Variants in MRPL58 observed in about 807,000 individuals in gnomAD.
The protein encoded by MRPL58 is large ribosomal subunit protein mL62.
Under a neutral mutation model 26.0 loss-of-function variants are expected in MRPL58, and 17 were observed. That is an observed-to-expected ratio of 0.65 (90% CI 0.45 to 0.98). The LOEUF is 0.98. Among genes scored for constraint, MRPL58 ranks in the 50% least tolerant of loss-of-function variants. MRPL58 has a pLI of 0.00. For missense variants in MRPL58, 250 were observed against 269.0 expected (o/e 0.93, Z 0.49); for synonymous variants, 100 against 99.7 (o/e 1.00, Z -0.02).
chr17:75,020,340 A>G lies in MRPL58; in HGVS notation c.311A>G (p.His104Arg). 1.2e-6 allele frequency: 2 copies of G among 1,614,088 alleles called. No individual in the cohort carries two copies. Among genetic ancestry groups the G allele is most frequent in the South Asian group, 1.1e-5 (1 of 91,074 alleles). The change falls in exon 4 of 6, where the codon CAT becomes CGT. Residue 104 changes from histidine to arginine, a missense_variant. Coordinates refer to ENST00000301585, the MANE Select transcript of MRPL58 (RefSeq NM_001545.3). ...AATTCCAAGGCAGAAGTCAGGTTCC[A>G]TTTGGCAACTGCCGAGTGGATCGCG... is the stretch of plus-strand genomic sequence containing the variant. ...KVNSKAEVRFHLATAEWIAEP... is the reference protein window; with the variant it reads ...KVNSKAEVRFRLATAEWIAEP...
chr17:75,018,014 G>A (rs777872512), intron 2 of MRPL58, among the ~76,000 whole-genome samples: 1 of 152,032 alleles, frequency 6.6e-6, no homozygotes, highest in African/African-American at 2.4e-5. Context: ...AGACTATCTC[G>A]GGTGTGCAGA....
At position 75,019,724 on chromosome 17, in the gene MRPL58, G is replaced by A. The variant is rs779805621; in HGVS notation, c.248G>A (p.Arg83Gln). 9 of 1,611,866 alleles carry A rather than the reference G, an allele frequency of 5.6e-6. No individual in the cohort carries two copies. The highest frequency in any genetic ancestry group is 3.3e-4 in the Middle Eastern group (2 of 6,052). ...PLDRLTISYC[R>Q]SSGPGGQNVN... ...GATCGCTTGACAATATCTTATTGTC[G>A]GAGTAGTGGTCCTGGGGGGCAGAAT... is the stretch of plus-strand genomic sequence containing the variant. Residue 83 changes from arginine to glutamine, a missense_variant, in exon 3 of 6, where the codon CGG becomes CAG. Coordinates refer to ENST00000301585, the MANE Select transcript of MRPL58 (RefSeq NM_001545.3).
chr17:75,016,943 A>G (rs1567980106), intron 1 of MRPL58, 135 bp from the exon 2 acceptor site: 2 of 736,718 alleles, frequency 2.7e-6, no homozygotes, highest in African/African-American at 1.7e-5. Context: ...TCGTGATATC[A>G]TTTTGCAGGG....
chr17:75,016,249 CA>C (rs77469669), intron 1 of MRPL58, among the ~76,000 whole-genome samples: 83 of 121,818 alleles, frequency 6.8e-4, no homozygotes, highest in Admixed American at 1.3e-3. Flanking sequence ...ACTAAAAATA[CA>C]AAAAAAAAAA....
rs1430618185 is a variant in MRPL58 at position 75,012,792 on chromosome 17, G to C, written c.106G>C (p.Gly36Arg). Residue 36 changes from glycine to arginine, a missense_variant, in exon 1 of 6, where the codon GGC becomes CGC. Transcript: ENST00000301585. ...CCGGGCGCTGCACAAGCAGAAAGACGGCACTGAGTTCAAGAGCATCTACAG... is the reference window on the plus strand; with the variant it reads ...CCGGGCGCTGCACAAGCAGAAAGACCGCACTGAGTTCAAGAGCATCTACAG... The part of the protein sequence containing the change: ...PRRALHKQKD[G>R]TEFKSIYSLD... 2 of 1,610,440 alleles carry C rather than the reference G, an allele frequency of 1.2e-6. No homozygotes were observed. The highest frequency in any genetic ancestry group is 8.5e-7 in the Non-Finnish European group (1 of 1,178,958).
Position 75,016,771 on chromosome 17 carries a change from T to C in MRPL58, c.187-307T>C, listed in dbSNP as rs554100648. 4.6e-5 allele frequency among the ~76,000 whole-genome samples: 7 copies of C among 152,362 alleles called. No homozygotes were observed. The East Asian group carries it at 1.2e-3, about 25-fold the overall frequency. ...GGTGTTGCTTTTGGAGGTTCCCTGA[T>C]GCATGTGCACTGTGGCTCCCCCTCC... On this transcript the variant is annotated intron_variant, in intron 1 of 5. Transcript: ENST00000301585.
At chr17:75,016,154 A>G (rs952749806) in intron 1 of MRPL58, among the ~76,000 whole-genome samples, 4 of 151,474 alleles carry the variant, frequency 2.6e-5, no homozygotes, top group African/African-American at 7.3e-5. Flanking sequence ...CTGTAATCTT[A>G]GCACTTTGGG....
intron 2 of MRPL58, among the ~76,000 whole-genome samples, chr17:75,018,397 A>G (rs1263470135): frequency 2.6e-5 from 4 of 151,758 alleles, no homozygotes; most frequent in Non-Finnish European, 5.9e-5. Flanking sequence ...ACGCCCGGCT[A>G]ATTTTTTGTA....
At chr17:75,018,297 T>C (rs1302844217) in intron 2 of MRPL58, among the ~76,000 whole-genome samples, 1 of 151,920 alleles carries the variant, frequency 6.6e-6, no homozygotes, top group East Asian at 1.9e-4. Flanking sequence ...AGTGGCCCGA[T>C]CTCGGCTCAC....
Position 75,020,056 on chromosome 17 carries a change from ATTT to A in MRPL58, c.284-239_284-237del, listed in dbSNP as rs35323952. 5.3e-3 allele frequency among the ~76,000 whole-genome samples: 657 copies of A among 123,662 alleles called. 4 individuals carry two copies. The highest frequency in any genetic ancestry group is 8.2e-3 in the Middle Eastern group (2 of 244). 81.1% of individuals were successfully genotyped at this position (123,662 alleles called of 152,430 possible). On this transcript the variant is annotated intron_variant, in intron 3 of 5. Transcript: ENST00000301585. ...CATTCTGGTGCAACCCATTCCCTCC[ATTT>A]TTTTTTTTTTTTTTTTTGAACCCAG...
chr17:75,020,898 A>T (rs2040012610), intron 5 of MRPL58, 23 bp from the exon 6 acceptor site: 1 of 1,581,836 alleles, frequency 6.3e-7, no homozygotes, highest in African/African-American at 1.3e-5. Flanking sequence ...ATCTGGGGCT[A>T]ATTGCAGTCT....
chr17:75,014,675 G>A (rs2039960670), intron 1 of MRPL58, among the ~76,000 whole-genome samples: 1 of 151,770 alleles, frequency 6.6e-6, no homozygotes, highest in African/African-American at 2.4e-5. Context: ...TCAAACTCCT[G>A]ACCTCAAATG....
intron 1 of MRPL58, among the ~76,000 whole-genome samples, chr17:75,013,249 G>A (rs1198615814): frequency 6.6e-6 from 1 of 152,192 alleles, no homozygotes; most frequent in Non-Finnish European, 1.5e-5. Context: ...AGTGTCCATT[G>A]TCTCTAGTAA....
At position 75,019,759 on chromosome 17, in the gene MRPL58, G is replaced by A; in HGVS notation, c.283G>A (p.Val95Met). The A allele has an allele frequency of 6.3e-7, 1 of 1,596,716 alleles. No individual in the cohort carries two copies. The highest frequency in any genetic ancestry group is 8.6e-7 in the Non-Finnish European group (1 of 1,167,344). ...TCCTGGGGGGCAGAATGTGAACAAAGGTACGGGGTGCCTTGTTGCTTTCTT... is the reference window on the plus strand; with the variant it reads ...TCCTGGGGGGCAGAATGTGAACAAAAGTACGGGGTGCCTTGTTGCTTTCTT... ...SGPGGQNVNK[V>M]NSKAEVRFHL... The change falls in exon 3 of 6, where the codon GTG (valine) becomes ATG (methionine). Residue 95 changes from valine (V) to methionine (M), a missense_variant and splice_region_variant. Val to Met is a conservative substitution (Grantham distance 21). Coordinates refer to ENST00000301585, the MANE Select transcript of MRPL58 (RefSeq NM_001545.3).
intron 2 of MRPL58, among the ~76,000 whole-genome samples, chr17:75,019,313 C>G (rs2144887180): frequency 6.6e-6 from 1 of 152,284 alleles, no homozygotes. Flanking sequence ...CCCACACTCT[C>G]ATGGATCCCG....
Position 75,021,127 on chromosome 17 carries a change from T to C in MRPL58, c.*122T>C. ...GGCTGTTAATGCTTGTCTATAACATTGGAGCCATCACAAGAATGTTCATTT... is the reference window on the plus strand; with the variant it reads ...GGCTGTTAATGCTTGTCTATAACATCGGAGCCATCACAAGAATGTTCATTT... On this transcript the variant is annotated 3_prime_UTR_variant, in exon 6 of 6. Transcript: ENST00000301585. 1 of 669,394 alleles carries C rather than the reference T, an allele frequency of 1.5e-6. No homozygotes were observed. Among genetic ancestry groups the C allele is most frequent in the Non-Finnish European group, 2.7e-6 (1 of 373,214 alleles). The allele number at this position is 669,394 out of a possible 1,614,324, so 41.5% of individuals were successfully genotyped here.
chr17:75,020,365 G>A lies in MRPL58; in HGVS notation c.336G>A (p.Ala112=), dbSNP rs762869698. ...RFHLATAEWI[A]EPVRQKIAIT... Reference sequence around the variant, plus strand: ...ATTTGGCAACTGCCGAGTGGATCGCGGAGCCCGTGCGGCAGAAGATAGCCA... The same window carrying A: ...ATTTGGCAACTGCCGAGTGGATCGCAGAGCCCGTGCGGCAGAAGATAGCCA... The change falls in exon 4 of 6, where the codon GCG becomes GCA. Residue 112 remains alanine, a synonymous_variant. Transcript: ENST00000301585. 8 of 1,614,088 alleles carry A rather than the reference G, an allele frequency of 5.0e-6. No homozygotes were observed. Among genetic ancestry groups the A allele is most frequent in the Non-Finnish European group, 6.8e-6 (8 of 1,180,018 alleles).
chr17:75,013,986 A>T (rs941233877), intron 1 of MRPL58, among the ~76,000 whole-genome samples: 1 of 152,174 alleles, frequency 6.6e-6, no homozygotes, highest in African/African-American at 2.4e-5. Context: ...CAGAGAACAG[A>T]TAGAGGATGC....
intron 3 of MRPL58, 69 bp downstream of exon 3, chr17:75,019,828 G>C (rs2040002150): frequency 8.0e-7 from 1 of 1,248,786 alleles, no homozygotes. Context: ...GGAGCTCTGT[G>C]TTTGTGTTCA....
Sources: allele counts gnomAD v4.1 joint callset (sites outside exome capture counted in the v4.1 genomes callset), GRCh38; gene constraint gnomAD v4.1.1; transcripts MANE v1.5; gene names NCBI Gene and HGNC (gene_info 2026-07-23, HGNC 2026-07-21).